PRKG1: variants seen among roughly 807,000 people sequenced by gnomAD.
The protein encoded by PRKG1 is protein kinase cGMP-dependent 1.
A neutral mutation model predicts 88.1 loss-of-function variants in PRKG1; 35 were observed. The observed-to-expected ratio is 0.40, with a 90% CI of 0.30 to 0.53. PRKG1 has a LOEUF of 0.53. Ranked by LOEUF, PRKG1 falls within the 20% of genes least tolerant of loss-of-function variation. The pLI is 0.59. For synonymous variants in PRKG1, 303 were observed against 292.5 expected (o/e 1.04, Z -0.37); for missense variants, 540 against 839.8 (o/e 0.64, Z 4.41).
At chr10:52,119,963 CAGAG>C (rs961470233) in intron 7 of PRKG1, among the ~76,000 whole-genome samples, 4 of 149,210 alleles carry the variant, frequency 2.7e-5, no homozygotes, top group Admixed American at 6.7e-5. Flanking sequence ...CAGACAGAGA[CAGAG>C]AGAGACAGAG....
At chr10:51,614,128 CT>C in intron 3 of PRKG1, among the ~76,000 whole-genome samples, 1 of 151,728 alleles carries the variant, frequency 6.6e-6, no homozygotes. Context: ...GAGTCTCTTT[CT>C]TTAGATCTAG....
At chr10:51,046,031 T>C (rs1352577450) in intron 1 of PRKG1, among the ~76,000 whole-genome samples, 28 of 152,232 alleles carry the variant, frequency 1.8e-4, no homozygotes. Flanking sequence ...GACACTAAGC[T>C]TTCCTCAAAG....
intron 1 of PRKG1, among the ~76,000 whole-genome samples, chr10:51,021,048 G>C (rs1214821202): frequency 6.6e-6 from 1 of 152,136 alleles, no homozygotes; most frequent in Non-Finnish European, 1.5e-5. Flanking sequence ...GTGTGTGTCT[G>C]TGTGTATGTT....
chr10:51,631,305 A>C (rs1839520010), intron 3 of PRKG1, among the ~76,000 whole-genome samples: 4 of 152,184 alleles, frequency 2.6e-5, no homozygotes, highest in Non-Finnish European at 5.9e-5. Flanking sequence ...GACTGAGACA[A>C]ATGTGCAGTG....
intron 2 of PRKG1, among the ~76,000 whole-genome samples, chr10:51,412,222 A>G (rs1303242716): frequency 7.0e-6 from 1 of 143,782 alleles, no homozygotes; most frequent in Non-Finnish European, 1.5e-5. Context: ...AGAAAGAAAG[A>G]GAGAAAGAAT....
chr10:51,452,803 C>T (rs1350654034), intron 2 of PRKG1, among the ~76,000 whole-genome samples: 7 of 151,930 alleles, frequency 4.6e-5, no homozygotes, highest in Admixed American at 4.6e-4. Flanking sequence ...ATATTGGCTT[C>T]ATAGAATGAT....
At position 51,068,892 on chromosome 10, in the gene PRKG1, T is replaced by C. The variant is rs376160395; in HGVS notation, c.266+77248T>C. ...AAAATGGTGTCTTGTGAATAAAGCA[T>C]TTTAAATTCTATTTTATGCATTTAA... On this transcript the variant is annotated intron_variant, in intron 1 of 17. Transcript: ENST00000401604. Among the ~76,000 whole-genome samples the C allele has an allele frequency of 4.6e-5, 7 of 152,150 alleles. No individual in the cohort carries two copies. In the East Asian group the frequency reaches 1.2e-3, roughly 25 times the overall value.
At chr10:51,204,807 G>T (rs940927929) in intron 2 of PRKG1, among the ~76,000 whole-genome samples, 3 of 152,068 alleles carry the variant, frequency 2.0e-5, no homozygotes, top group Non-Finnish European at 2.9e-5. Flanking sequence ...CTTTCAGTTT[G>T]ATTTTATCAG....
In PRKG1 at chr10:51,185,982, A is replaced by T. The variant is rs191497966; in HGVS notation, c.478+32652A>T. The stretch of plus-strand genomic sequence containing the variant: ...AATATCTTAATGAAAAGTGATTTTT[A>T]AAAAAAAATGTTATAGAACATGATC... On this transcript the variant is annotated intron_variant, in intron 2 of 17. Coordinates refer to ENST00000373980, the MANE Select transcript of PRKG1 (RefSeq NM_006258.4). Among the ~76,000 whole-genome samples the T allele has an allele frequency of 6.1e-3, 923 of 150,774 alleles. 6 individuals carry two copies. Among genetic ancestry groups the T allele is most frequent in the East Asian group, 0.02 (101 of 5,146 alleles).
chr10:51,777,883 T>G (rs1838482849), intron 3 of PRKG1, among the ~76,000 whole-genome samples: 1 of 152,164 alleles, frequency 6.6e-6, no homozygotes. Flanking sequence ...TCAGATTAGC[T>G]TCCTTCTTTT....
intron 2 of PRKG1, among the ~76,000 whole-genome samples, chr10:51,181,970 A>T (rs1189219498): frequency 6.6e-6 from 1 of 152,234 alleles, no homozygotes; most frequent in Non-Finnish European, 1.5e-5. Context: ...GGCAGAGTGC[A>T]CAGTTGGAAC....
chr10:51,144,058 G>T (rs1283332098), intron 1 of PRKG1, among the ~76,000 whole-genome samples: 1 of 152,030 alleles, frequency 6.6e-6, no homozygotes, highest in Admixed American at 6.6e-5. Context: ...TCAGTGTCAT[G>T]AAATATTTCC....
At chr10:52,193,571 A>AC (rs1839427733) in intron 9 of PRKG1, among the ~76,000 whole-genome samples, 1 of 141,450 alleles carries the variant, frequency 7.1e-6, no homozygotes, top group Non-Finnish European at 1.6e-5. Flanking sequence ...AACAAAAAAA[A>AC]AAAACAAAAA....
chr10:51,743,915 C>T (rs1312960575), intron 3 of PRKG1, among the ~76,000 whole-genome samples: 1 of 150,742 alleles, frequency 6.6e-6, no homozygotes, highest in Non-Finnish European at 1.5e-5. Context: ...TGATTTTTAA[C>T]TCCCCTTGTT....
chr10:51,139,580 C>T lies in PRKG1; in HGVS notation c.312-13584C>T, dbSNP rs180775315. ...TTGTCTAAGTCTAAACAACCAATGT[C>T]TATTCAGTTGCTCAAGCTGGAAACC... On this transcript the variant is annotated intron_variant, in intron 1 of 17. Transcript: ENST00000373980. Among the ~76,000 whole-genome samples the T allele has an allele frequency of 2.8e-4, 43 of 152,326 alleles. No individual in the cohort carries two copies. The East Asian group carries it at 7.5e-3, about 27-fold the overall frequency.
chr10:51,230,178 T>A (rs1278995679), intron 2 of PRKG1, among the ~76,000 whole-genome samples: 3 of 151,736 alleles, frequency 2.0e-5, no homozygotes, highest in Non-Finnish European at 4.4e-5. Context: ...TAAAAATGAA[T>A]TAGTTGTGGG....
At chr10:51,214,882 T>C (rs1436158649) in intron 2 of PRKG1, among the ~76,000 whole-genome samples, 1 of 152,144 alleles carries the variant, frequency 6.6e-6, no homozygotes, top group Admixed American at 6.6e-5. Flanking sequence ...CCAATATCTT[T>C]ACACAGAAAC....
intron 4 of PRKG1, among the ~76,000 whole-genome samples, chr10:51,813,823 G>A (rs995113227): frequency 6.6e-6 from 1 of 152,008 alleles, no homozygotes; most frequent in Non-Finnish European, 1.5e-5. Context: ...CTCTCTCAGT[G>A]CCCTCCTCCC....
At chr10:51,907,341 C>A (rs1215489744) in intron 4 of PRKG1, among the ~76,000 whole-genome samples, 166 bp from the exon 5 acceptor site, 1 of 149,346 alleles carries the variant, frequency 6.7e-6, no homozygotes, top group African/African-American at 2.5e-5. Flanking sequence ...TCATCTGCAA[C>A]TTTGTTCTTT....
Sources: allele counts gnomAD v4.1 joint callset (sites outside exome capture counted in the v4.1 genomes callset), GRCh38; gene constraint gnomAD v4.1.1; transcripts MANE v1.5; gene names NCBI Gene and HGNC (gene_info 2026-07-23, HGNC 2026-07-21).